GOSR2: variants seen among roughly 807,000 people sequenced by gnomAD.
GOSR2 encodes the protein golgi SNAP receptor complex member 2, also known as 27 kDa Golgi SNARE protein.
Under a neutral mutation model 27.9 loss-of-function variants are expected in GOSR2, and 20 were observed. The ratio of observed to expected loss-of-function variants is 0.72; its 90% CI spans 0.50 to 1.04. The LOEUF (loss-of-function observed/expected upper bound fraction) is 1.04. Among genes scored for constraint, GOSR2 ranks in the 50% least tolerant of loss-of-function variants. The pLI is 0.00. For missense variants in GOSR2, 261 were observed against 270.5 expected (o/e 0.97, Z 0.25); for synonymous variants, 91 against 98.8 (o/e 0.92, Z 0.47).
In GOSR2 at chr17:46,948,967, G is replaced by A. The variant is rs9889741; in HGVS notation, c.583+10263G>A. Reference sequence around the variant, plus strand: ...GCTACGAACTGAGCACCCACCAGGTGCCAGTCACGGGACTGGGCCTTGGAG... The same window carrying A: ...GCTACGAACTGAGCACCCACCAGGTACCAGTCACGGGACTGGGCCTTGGAG... On this transcript the variant is annotated intron_variant, in intron 6 of 6. Coordinates refer to the GOSR2 transcript ENST00000573224. 67,691 of 152,122 alleles carry A rather than the reference G, an allele frequency of 0.44. 15,309 individuals carry two copies. The highest frequency in any genetic ancestry group is 0.52 in the South Asian group (2,508 of 4,828). The allele number at this position is 152,122 out of a possible 1,614,324, so 9.4% of individuals were successfully genotyped here.
chr17:46,924,331 G>A (rs945677851), intron 1 of GOSR2: 1 of 152,816 alleles, frequency 6.5e-6, no homozygotes, highest in Non-Finnish European at 1.5e-5. Flanking sequence ...TCCGTTTTAT[G>A]TGTCTACCAC....
chr17:46,940,779 A>G lies in GOSR2; in HGVS notation c.*2019A>G. 1.3e-6 allele frequency: 2 copies of G among 1,515,806 alleles called. No individual in the cohort carries two copies. Among genetic ancestry groups the G allele is most frequent in the Non-Finnish European group, 1.8e-6 (2 of 1,133,524 alleles). 93.9% of individuals were successfully genotyped at this position (1,515,806 alleles called of 1,614,324 possible). ...CAGAGCCAGTCCTCTAGTTTGGAAT[A>G]AAAATTGCAGAGGTGGTTTTTGGGT... On this transcript the variant is annotated 3_prime_UTR_variant, in exon 6 of 6. Coordinates refer to ENST00000640051, the MANE Select transcript of GOSR2 (RefSeq NM_004287.5).
chr17:46,945,314 G>A (rs538143499), downstream of GOSR2, among the ~76,000 whole-genome samples: 1 of 152,308 alleles, frequency 6.6e-6, no homozygotes, highest in African/African-American at 2.4e-5. Context: ...ATGCTGCTGA[G>A]ATGCTACTGA....
At chr17:46,954,122 C>G (rs1419703272) in intron 6 of GOSR2, among the ~76,000 whole-genome samples, 2 of 152,188 alleles carry the variant, frequency 1.3e-5, no homozygotes, top group Non-Finnish European at 2.9e-5. Context: ...TGCCTATGTC[C>G]TGAATGGTAT....
intron 3 of GOSR2, 48 bp from the exon 4 acceptor site, chr17:46,932,019 T>A: frequency 6.3e-7 from 1 of 1,594,520 alleles, no homozygotes; most frequent in Non-Finnish European, 8.6e-7. Context: ...CCTCAGATTC[T>A]GCTGCCCTGA....
chr17:46,940,505 C>T lies in GOSR2; in HGVS notation c.*1745C>T. 2 of 1,613,656 alleles carry T rather than the reference C, an allele frequency of 1.2e-6. No homozygotes were observed. Among genetic ancestry groups the T allele is most frequent in the Non-Finnish European group, 1.7e-6 (2 of 1,179,758 alleles). ...GACCTAGCGCAGGACTTTTGGTAAT[C>T]CATAAAATGGATTCTGAGACTGCGA... On this transcript the variant is annotated 3_prime_UTR_variant, in exon 6 of 6. Coordinates refer to ENST00000640051, the MANE Select transcript of GOSR2 (RefSeq NM_004287.5).
chr17:46,930,265 C>A (rs916645492), intron 2 of GOSR2: 1 of 152,234 alleles, frequency 6.6e-6, no homozygotes, highest in Non-Finnish European at 1.5e-5. Context: ...TCACTGTGGG[C>A]ACAAAGGGCT....
chr17:46,924,901 T>C (rs995280221), intron 1 of GOSR2, among the ~76,000 whole-genome samples: 5 of 152,226 alleles, frequency 3.3e-5, no homozygotes, highest in African/African-American at 1.2e-4. Flanking sequence ...TCTTATCTAG[T>C]TAATTTAGTT....
intron 1 of GOSR2, chr17:46,924,181 C>G (rs1019228573): frequency 1.6e-5 from 4 of 251,244 alleles, no homozygotes; most frequent in South Asian, 1.7e-4. Flanking sequence ...ATGAGTTTAC[C>G]TATTCTAGAT....
rs1221540143 is a variant in GOSR2 at position 46,966,436 on chromosome 17, C to A, written c.584-98C>A. ...ACTTATTTAGTGGCACAGCCTTGAC[C>A]TGCTGGGCTTAAGCAATCCTCCCAT... On this transcript the variant is annotated intron_variant, in intron 6 of 6. Transcript: ENST00000573224. 6 of 600,700 alleles carry A rather than the reference C, an allele frequency of 1.0e-5. No homozygotes were observed. In the African/African-American group the frequency reaches 1.1e-4, roughly 11 times the overall value. The allele number at this position is 600,700 out of a possible 1,614,324, so 37.2% of individuals were successfully genotyped here.
At chr17:46,932,000 GCCTGGCC>G in intron 3 of GOSR2, 60 bp from the exon 4 acceptor site, 1 of 1,447,320 alleles carries the variant, frequency 6.9e-7, no homozygotes, top group Non-Finnish European at 9.7e-7. Context: ...TCAGTACAAA[GCCTGGCC>G]CCCTCAGATT....
At position 46,933,631 on chromosome 17, in the gene GOSR2, C is replaced by CG. The variant is rs1555711128; in HGVS notation, c.337-1398_337-1397insG. 2.1e-4 allele frequency: 28 copies of CG among 134,748 alleles called. 1 individual carries two copies. The highest frequency in any genetic ancestry group is 7.7e-4 in the African/African-American group (27 of 34,984). 8.3% of individuals were successfully genotyped at this position (134,748 alleles called of 1,614,324 possible). ...AGCAGCAAAGAAACAGTGGCATAAC[C>CG]TTTTTTTTTTTTTTGGACAATTGAA... On this transcript the variant is annotated intron_variant, in intron 4 of 5. Transcript: ENST00000640051.
At position 46,931,944 on chromosome 17, in the gene GOSR2, A is replaced by G. The variant is rs541181202; in HGVS notation, c.204-123A>G. The G allele has an allele frequency of 6.5e-5, 53 of 814,876 alleles. 1 individual carries two copies. The Middle Eastern group carries it at 1.7e-3, about 26-fold the overall frequency. The allele number at this position is 814,876 out of a possible 1,614,324, so 50.5% of individuals were successfully genotyped here. A position where few individuals can be genotyped will look rare whatever the true frequency, so the allele number is the denominator to read the frequency against. On this transcript the variant is annotated intron_variant, in intron 3 of 5. Transcript: ENST00000640051. ...AAATTAGATCTTGTGGTGAGGGGGT[A>G]TAGTGTGGGGTGGTGTAGGGAGAAG...
At chr17:46,971,504 C>T (rs2091392651), downstream of GOSR2, among the ~76,000 whole-genome samples, 2 of 152,142 alleles carry the variant, frequency 1.3e-5, no homozygotes, top group African/African-American at 4.8e-5. Flanking sequence ...CCTGGCCTAA[C>T]TATATCCTTT....
intron 6 of GOSR2, among the ~76,000 whole-genome samples, chr17:46,953,497 G>A (rs902302317): frequency 6.8e-4 from 103 of 152,164 alleles, no homozygotes; most frequent in African/African-American, 2.2e-3. Context: ...GAATAGTGCC[G>A]CAATAAACAT....
intron 4 of GOSR2, 91 bp downstream of exon 4, chr17:46,932,290 G>C: frequency 3.4e-6 from 5 of 1,476,852 alleles, no homozygotes; most frequent in Non-Finnish European, 4.7e-6. Context: ...TTTTGGGGGT[G>C]TCTGAAGAAG....
intron 6 of GOSR2, chr17:46,964,182 A>C (rs1164340130): frequency 1.3e-5 from 2 of 152,166 alleles, no homozygotes; most frequent in African/African-American, 4.8e-5. Flanking sequence ...GGACCATCTT[A>C]GTCCCTACCT....
Position 46,940,539 on chromosome 17 carries a change from C to G in GOSR2, c.*1779C>G, listed in dbSNP as rs747267756. 22 of 1,613,976 alleles carry G rather than the reference C, an allele frequency of 1.4e-5. No homozygotes were observed. In the African/African-American group the frequency reaches 2.3e-4, roughly 17 times the overall value. ...GGATTCTGAGACTGCGACGGCAAGG[C>G]TGTCCTGTCCCCCAGGCACCCAAGG... On this transcript the variant is annotated 3_prime_UTR_variant, in exon 6 of 6. Transcript: ENST00000640051.
downstream of GOSR2, among the ~76,000 whole-genome samples, chr17:46,970,991 T>A (rs544356629): frequency 2.0e-5 from 3 of 152,370 alleles, no homozygotes; most frequent in African/African-American, 7.2e-5. Flanking sequence ...GTTGCAGGAA[T>A]GTGGCTACTG....
Sources: gnomAD v4.1 joint callset for allele counts (sites outside exome capture counted in the v4.1 genomes callset) on GRCh38, gnomAD v4.1.1 for gene constraint, MANE v1.5 for transcripts, NCBI Gene and HGNC (gene_info 2026-07-23, HGNC 2026-07-21) for gene names.